ZBTB40: variants seen among roughly 807,000 people sequenced by gnomAD.
ZBTB40 encodes zinc finger and BTB domain containing 40.
Under a neutral mutation model 117.5 loss-of-function variants are expected in ZBTB40, and 60 were observed. That is an observed-to-expected ratio of 0.51 (90% CI 0.41 to 0.63). The LOEUF (loss-of-function observed/expected upper bound fraction) is 0.63. Among genes scored for constraint, ZBTB40 ranks in the 30% least tolerant of loss-of-function variants. ZBTB40 has a pLI of 0.00. For missense variants in ZBTB40, 1,287 were observed against 1,498.5 expected, an observed-to-expected ratio of 0.86 and a Z score of 2.33; for synonymous variants, 525 against 577.1, an observed-to-expected ratio of 0.91 and a Z score of 1.29.
chr1:22,479,112 TGTATAATA>T (rs1641619277), intron 1 of ZBTB40, among the ~76,000 whole-genome samples: 1 of 152,234 alleles, frequency 6.6e-6, no homozygotes, highest in Non-Finnish European at 1.5e-5. Flanking sequence ...TGTTCTTGCA[TGTATAATA>T]GTTCAGTCTT....
At chr1:22,491,184 C>T (rs957960349) in intron 2 of ZBTB40, among the ~76,000 whole-genome samples, 1 of 152,174 alleles carries the variant, frequency 6.6e-6, no homozygotes, top group African/African-American at 2.4e-5. Context: ...CGTGAGCCAC[C>T]GTGCCCTGCT....
In ZBTB40 at chr1:22,506,134, C is replaced by T. The variant is rs1266615864; in HGVS notation, c.1253C>T (p.Thr418Ile). 1.9e-6 allele frequency: 3 copies of T among 1,614,182 alleles called. No homozygotes were observed. The Admixed American group carries it at 5.0e-5, about 27-fold the overall frequency. The change falls in exon 6 of 18, where the codon ACT (threonine) becomes ATT (isoleucine). Residue 418 changes from threonine (T) to isoleucine (I), a missense_variant. This residue lies in a region of ZBTB40 where 870 missense variants were observed against 934.4 expected (regional missense o/e 0.93). Transcript: ENST00000375647. ...AGAATGACTGAAGAGAAGACGCTGA[C>T]TGCTGAGGGTTTGGTAAAACTCCTC... ...LHRMTEEKTL[T>I]AEGLVKLLQA...
chr1:22,439,169 G>C (rs892100473), intron 1 of ZBTB40, among the ~76,000 whole-genome samples: 3 of 152,268 alleles, frequency 2.0e-5, no homozygotes, highest in Admixed American at 2.0e-4. Flanking sequence ...CCTGGCCTGC[G>C]TCTTTTGCCT....
chr1:22,518,279 C>T (rs960154707), intron 13 of ZBTB40, among the ~76,000 whole-genome samples: 1 of 152,100 alleles, frequency 6.6e-6, no homozygotes, highest in African/African-American at 2.4e-5. Context: ...TTTCTTGAGG[C>T]CTTAAACAAA....
chr1:22,447,188 G>C (rs1640799567), upstream of ZBTB40, among the ~76,000 whole-genome samples: 1 of 151,928 alleles, frequency 6.6e-6, no homozygotes, highest in South Asian at 2.1e-4. Context: ...CATTTTTAAT[G>C]AGTACATTTT....
intron 3 of ZBTB40, among the ~76,000 whole-genome samples, chr1:22,500,923 G>A (rs1638919430): frequency 6.6e-6 from 1 of 152,132 alleles, no homozygotes. Context: ...CCTAAATTGT[G>A]AGATTTTAAT....
At chr1:22,516,683 C>T (rs891463092) in intron 12 of ZBTB40, among the ~76,000 whole-genome samples, 5 of 152,174 alleles carry the variant, frequency 3.3e-5, no homozygotes, top group African/African-American at 9.7e-5. Flanking sequence ...CTTGCTCTCT[C>T]GGCCCATAAG....
At chr1:22,523,699 A>C (rs1264671200) in intron 16 of ZBTB40, among the ~76,000 whole-genome samples, 1 of 152,100 alleles carries the variant, frequency 6.6e-6, no homozygotes, top group Non-Finnish European at 1.5e-5. Context: ...TGAGTTAAAA[A>C]CGTGCACCAT....
Position 22,455,160 on chromosome 1 carries a change from T to C in ZBTB40, c.-70+3156T>C, listed in dbSNP as rs113404922. On this transcript the variant is annotated intron_variant, in intron 1 of 17. Coordinates refer to ENST00000375647, the MANE Select transcript of ZBTB40 (RefSeq NM_014870.4). ...GTTGGAAACTACTTATGTTCCTCCA[T>C]CAAAGGTGTATGTATTCTCTTAAGG... 4.5e-3 allele frequency among the ~76,000 whole-genome samples: 693 copies of C among 152,320 alleles called. 8 individuals are homozygous for C. Among genetic ancestry groups the C allele is most frequent in the African/African-American group, 0.016 (652 of 41,570 alleles).
intron 1 of ZBTB40, among the ~76,000 whole-genome samples, chr1:22,486,447 A>G (rs1300437233): frequency 6.6e-6 from 1 of 152,198 alleles, no homozygotes; most frequent in Non-Finnish European, 1.5e-5. Flanking sequence ...CTTGTTAAAA[A>G]CAGAGTGCTC....
chr1:22,449,896 A>G (rs984642202), upstream of ZBTB40, among the ~76,000 whole-genome samples: 8 of 152,014 alleles, frequency 5.3e-5, no homozygotes, highest in African/African-American at 1.7e-4. Context: ...CATACAGCAC[A>G]TTGGCAATGA....
chr1:22,496,998 C>A (rs1163957894), intron 3 of ZBTB40, among the ~76,000 whole-genome samples: 1 of 152,198 alleles, frequency 6.6e-6, no homozygotes, highest in African/African-American at 2.4e-5. Context: ...CTTGGCAAAC[C>A]ACCGGTGTAA....
At chr1:22,522,763 A>T (rs959681481) in intron 16 of ZBTB40, among the ~76,000 whole-genome samples, 17 of 123,436 alleles carry the variant, frequency 1.4e-4, no homozygotes, top group Admixed American at 1.3e-3. Flanking sequence ...AAGATATACC[A>T]TTTTTATTTT....
chr1:22,509,071 A>G lies in ZBTB40; in HGVS notation c.1700-29A>G, dbSNP rs1418371680. On this transcript the variant is annotated intron_variant, in intron 8 of 17. Transcript: ENST00000375647. ...AAAAAATGGTGCTCATTGTTTGCCT[A>G]ATGAGTTTTTGATCCCCCTTTTTTT... 14 of 1,613,986 alleles carry G rather than the reference A, an allele frequency of 8.7e-6. No individual in the cohort carries two copies. The Middle Eastern group carries it at 4.9e-4, about 57-fold the overall frequency.
intron 17 of ZBTB40, among the ~76,000 whole-genome samples, chr1:22,524,750 C>T (rs1317545264): frequency 6.6e-6 from 1 of 152,212 alleles, no homozygotes; most frequent in Non-Finnish European, 1.5e-5. Flanking sequence ...CGGGAAACCT[C>T]GGAGACAGAG....
At chr1:22,502,260 C>G in intron 4 of ZBTB40, 39 bp from the exon 5 acceptor site, 1 of 1,600,352 alleles carries the variant, frequency 6.2e-7, no homozygotes. Context: ...TTCAAATTGA[C>G]TAGCTTCTCT....
At chr1:22,504,217 T>C (rs1379423272) in intron 5 of ZBTB40, among the ~76,000 whole-genome samples, 2 of 152,202 alleles carry the variant, frequency 1.3e-5, no homozygotes, top group Non-Finnish European at 1.5e-5. Context: ...CCCAGGCCTT[T>C]TCAAACTTTT....
chr1:22,434,733 T>A, intron 1 of ZBTB40, among the ~76,000 whole-genome samples: 1 of 152,224 alleles, frequency 6.6e-6, no homozygotes, highest in East Asian at 1.9e-4. Flanking sequence ...TTGGTGTATT[T>A]CTGGACTTTC....
In ZBTB40 at chr1:22,513,106, C is replaced by T. The variant is rs752849837; in HGVS notation, c.2644C>T (p.His882Tyr). The T allele has an allele frequency of 6.2e-7, 1 of 1,614,122 alleles. No individual in the cohort carries two copies. The change falls in exon 12 of 18, where the codon CAC becomes TAC. Residue 882 changes from histidine to tyrosine, a missense_variant. Coordinates refer to ENST00000375647, the MANE Select transcript of ZBTB40 (RefSeq NM_014870.4). This position sits in a 1 kb window ranked among gnomAD's most constrained non-coding sequence, Gnocchi z 4.9. ...CACCCAGGCCTCCGCCCTGGCCTAT[C>T]ACACCAAGAAGAAGCACTCAGAAGG... ...TFTQASALAY[H>Y]TKKKHSEGKM...
Sources: gnomAD v4.1 joint callset for allele counts (sites outside exome capture counted in the v4.1 genomes callset) on GRCh38, gnomAD v4.1.1 for gene constraint, gnomAD v4.1.1 regional missense constraint, Gnocchi (gnomAD v3.1) non-coding constraint, MANE v1.5 for transcripts, NCBI Gene and HGNC (gene_info 2026-07-23, HGNC 2026-07-21) for gene names.